The following RAP1GDS1 variants were observed in gnomAD, a reference collection of about 807,000 sequenced individuals.
RAP1GDS1 encodes the protein RAP1, GTP-GDP dissociation stimulator 1.
A neutral mutation model predicts 71.1 loss-of-function variants in RAP1GDS1; 35 were observed. The ratio of observed to expected loss-of-function variants is 0.49; its 90% CI spans 0.38 to 0.65. The LOEUF is 0.65. RAP1GDS1 is among the 30% of genes least tolerant of loss of function. The probability of loss-of-function intolerance (pLI) is 0.00; values close to 1 mark genes in which losing one functional copy is unlikely to be tolerated. For synonymous variants in RAP1GDS1, 229 were observed against 243.1 expected (o/e 0.94, Z 0.54); for missense variants, 663 against 706.1 (o/e 0.94, Z 0.69).
At chr4:98,262,143 G>A (rs1722101658) in intron 1 of RAP1GDS1, among the ~76,000 whole-genome samples, 1 of 152,236 alleles carries the variant, frequency 6.6e-6, no homozygotes, top group African/African-American at 2.4e-5. Flanking sequence ...TAGGTTGAAA[G>A]GATGACTTGT....
chr4:98,278,693 CATTG>C (rs927708424), intron 1 of RAP1GDS1, among the ~76,000 whole-genome samples: 10 of 152,030 alleles, frequency 6.6e-5, no homozygotes, highest in South Asian at 2.1e-4. Flanking sequence ...TTATCATTGT[CATTG>C]ATTAAGAACC....
chr4:98,387,274 G>T (rs1742911909), intron 5 of RAP1GDS1, among the ~76,000 whole-genome samples: 1 of 152,174 alleles, frequency 6.6e-6, no homozygotes, highest in Non-Finnish European at 1.5e-5. Context: ...AGGTAAACCT[G>T]TTATAATCTT....
intron 3 of RAP1GDS1, among the ~76,000 whole-genome samples, chr4:98,343,951 T>G (rs1003425246): frequency 1.3e-5 from 2 of 152,216 alleles, no homozygotes; most frequent in African/African-American, 4.8e-5. Flanking sequence ...TTAGTTTGCC[T>G]CAGTTTGTCA....
chr4:98,319,893 T>A (rs551076238), intron 2 of RAP1GDS1, among the ~76,000 whole-genome samples: 92 of 152,212 alleles, frequency 6.0e-4, no homozygotes, highest in Middle Eastern at 3.4e-3. Flanking sequence ...TCCTTCCGTC[T>A]TCTCCACCTC....
intron 6 of RAP1GDS1, among the ~76,000 whole-genome samples, chr4:98,401,621 AAAAAT>A (rs1307595318): frequency 6.6e-6 from 1 of 152,132 alleles, no homozygotes; most frequent in African/African-American, 2.4e-5. Context: ...GAGTTGTAAT[AAAAAT>A]AAAACCTTAG....
At chr4:98,399,265 A>G (rs1350158763) in intron 6 of RAP1GDS1, among the ~76,000 whole-genome samples, 1 of 152,216 alleles carries the variant, frequency 6.6e-6, no homozygotes, top group African/African-American at 2.4e-5. Flanking sequence ...AAAACAACAG[A>G]GTGAAAAGAG....
chr4:98,364,112 G>A (rs902501410), intron 4 of RAP1GDS1, among the ~76,000 whole-genome samples: 1 of 152,178 alleles, frequency 6.6e-6, no homozygotes, highest in African/African-American at 2.4e-5. Flanking sequence ...AGAAGAAATG[G>A]CACATAGGCG....
At position 98,379,772 on chromosome 4, in the gene RAP1GDS1, G is replaced by A. The variant is rs73834458; in HGVS notation, c.508+609G>A. Among the ~76,000 whole-genome samples, 580 of 151,806 alleles carry A rather than the reference G, an allele frequency of 3.8e-3. 6 individuals carry two copies. The highest frequency in any genetic ancestry group is 0.013 in the African/African-American group (556 of 41,456). Reference sequence around the variant, plus strand: ...ATGCATATAAATCTGTGATATTAAGGCTTCACAATACGTTTGTGTCACAAA... The same window carrying A: ...ATGCATATAAATCTGTGATATTAAGACTTCACAATACGTTTGTGTCACAAA... On this transcript the variant is annotated intron_variant, in intron 5 of 14. Coordinates refer to ENST00000408927, the MANE Select transcript of RAP1GDS1 (RefSeq NM_001100427.2).
chr4:98,380,228 G>A (rs139003850), intron 5 of RAP1GDS1, among the ~76,000 whole-genome samples: 1,588 of 151,758 alleles, frequency 0.01, 8 homozygotes, highest in Non-Finnish European at 0.015. Context: ...CTCTTCTCTA[G>A]CCAGTTGTTT....
At chr4:98,414,247 T>C (rs1747564572) in intron 7 of RAP1GDS1, among the ~76,000 whole-genome samples, 1 of 144,956 alleles carries the variant, frequency 6.9e-6, no homozygotes, top group East Asian at 2.0e-4. Context: ...ATTTTGTCTT[T>C]TGTTGCCATT....
At chr4:98,297,664 C>T (rs900088546) in intron 2 of RAP1GDS1, among the ~76,000 whole-genome samples, 8 of 152,142 alleles carry the variant, frequency 5.3e-5, no homozygotes, top group South Asian at 2.1e-4. Flanking sequence ...CTAGCTATGC[C>T]GTACCCCCTA....
At chr4:98,294,603 G>A (rs1051911426) in intron 2 of RAP1GDS1, among the ~76,000 whole-genome samples, 1 of 152,070 alleles carries the variant, frequency 6.6e-6, no homozygotes, top group African/African-American at 2.4e-5. Flanking sequence ...GAACGTCTAA[G>A]CCTGCTATCC....
chr4:98,441,644 G>T, intron 14 of RAP1GDS1: 1 of 974,468 alleles, frequency 1.0e-6, no homozygotes, highest in Non-Finnish European at 1.2e-6. Context: ...GCTCATGACT[G>T]TCATCCCAGC....
intron 1 of RAP1GDS1, among the ~76,000 whole-genome samples, chr4:98,267,900 T>G (rs1722916977): frequency 6.6e-6 from 1 of 152,038 alleles, no homozygotes; most frequent in African/African-American, 2.4e-5. Context: ...AGTTCTGTTT[T>G]AAGTTCGTCG....
intron 2 of RAP1GDS1, among the ~76,000 whole-genome samples, chr4:98,310,228 T>G (rs528798718): frequency 3.9e-5 from 6 of 152,258 alleles, no homozygotes; most frequent in Non-Finnish European, 7.4e-5. Flanking sequence ...TGCCAAACAT[T>G]GTGCTATCTC....
intron 14 of RAP1GDS1, among the ~76,000 whole-genome samples, chr4:98,439,295 T>TA (rs1184545629): frequency 6.6e-6 from 1 of 152,228 alleles, no homozygotes; most frequent in African/African-American, 2.4e-5. Flanking sequence ...ATTGTGTTCT[T>TA]ATGTGTTTTA....
intron 2 of RAP1GDS1, among the ~76,000 whole-genome samples, chr4:98,339,940 A>G (rs1028733179): frequency 6.6e-6 from 1 of 151,742 alleles, no homozygotes; most frequent in Non-Finnish European, 1.5e-5. Context: ...CTACCATTCT[A>G]CCCAACAGTT....
At chr4:98,275,458 A>G (rs942753409) in intron 1 of RAP1GDS1, among the ~76,000 whole-genome samples, 2 of 152,218 alleles carry the variant, frequency 1.3e-5, no homozygotes, top group South Asian at 2.1e-4. Flanking sequence ...TTGTGTTCCA[A>G]TAAAATTTTA....
intron 7 of RAP1GDS1, among the ~76,000 whole-genome samples, chr4:98,410,111 A>G (rs1435688420): frequency 6.6e-6 from 1 of 152,180 alleles, no homozygotes; most frequent in Non-Finnish European, 1.5e-5. Context: ...TCTACCAAAA[A>G]CAAATAAATA....
Sources: allele counts gnomAD v4.1 joint callset (sites outside exome capture counted in the v4.1 genomes callset), GRCh38; gene constraint gnomAD v4.1.1; transcripts MANE v1.5; gene names NCBI Gene and HGNC (gene_info 2026-07-23, HGNC 2026-07-21).